CPM: variants seen among roughly 807,000 people sequenced by gnomAD.
CPM encodes the protein carboxypeptidase M, also known as renal carboxypeptidase.
Under a neutral mutation model 46.4 loss-of-function variants are expected in CPM, and 35 were observed. That is an observed-to-expected ratio of 0.75 (90% confidence interval 0.58 to 1.00). The LOEUF is 1.00. Among genes scored for constraint, CPM ranks in the 50% least tolerant of loss-of-function variants. The pLI is 0.00. For missense variants in CPM, 422 were observed against 530.4 expected (o/e 0.80, Z 2.01); for synonymous variants, 195 against 195.3 (o/e 1.00, Z 0.01).
intron 5 of CPM, chr12:68,842,480 A>G: frequency 2.5e-6 from 1 of 403,486 alleles, no homozygotes; most frequent in Non-Finnish European, 4.8e-6. Context: ...TTTTTTATAT[A>G]AGGTCACTCC....
At chr12:68,914,310 T>TA (rs1262971216) in intron 2 of CPM, among the ~76,000 whole-genome samples, 2 of 152,048 alleles carry the variant, frequency 1.3e-5, no homozygotes, top group South Asian at 4.2e-4. Flanking sequence ...TCTGTATACT[T>TA]AAAAAAACTT....
chr12:68,941,170 CGTGTGTGTGT>C (rs370705580), intron 1 of CPM, among the ~76,000 whole-genome samples: 4 of 140,506 alleles, frequency 2.8e-5, no homozygotes, highest in East Asian at 2.1e-4. Flanking sequence ...GTGCTGAGTA[CGTGTGTGTGT>C]GTGTGTGTGT....
rs1888553977 is a variant in CPM at position 68,932,578 on chromosome 12, G to A, written c.160+100C>T. ...GTTGACTTGTTCTGTGCCACTCAGA[G>A]TAGGTGCGTGGAAGAGCAGACAGGA... On this transcript the variant is annotated intron_variant, in intron 2 of 8. Coordinates refer to ENST00000551568, the MANE Select transcript of CPM (RefSeq NM_198320.5). The A allele has an allele frequency of 2.9e-6, 4 of 1,376,636 alleles. No homozygotes were observed. In the Admixed American group the frequency reaches 7.2e-5, roughly 25 times the overall value. 85.3% of individuals were successfully genotyped at this position (1,376,636 alleles called of 1,614,324 possible).
At chr12:68,911,952 T>A (rs940694477) in intron 2 of CPM, 1 of 152,188 alleles carries the variant, frequency 6.6e-6, no homozygotes, top group Admixed American at 6.6e-5. Context: ...ATTTGTCTAA[T>A]AGGCTTTCTG....
At chr12:68,931,007 G>A (rs939309019) in intron 2 of CPM, among the ~76,000 whole-genome samples, 1 of 151,992 alleles carries the variant, frequency 6.6e-6, no homozygotes, top group Admixed American at 6.6e-5. Context: ...CTAGCCCTAG[G>A]GAAAAATGAT....
At chr12:68,960,626 A>ACCTG (rs1380215190) in intron 1 of CPM, among the ~76,000 whole-genome samples, 6 of 152,234 alleles carry the variant, frequency 3.9e-5, no homozygotes, top group Non-Finnish European at 8.8e-5. Flanking sequence ...TGGACCAGCA[A>ACCTG]GATAATTCGC....
rs895265499 is a variant in CPM, at chr12:68,855,401, G to A, written c.*1036C>T. 1.3e-5 allele frequency: 2 copies of A among 152,262 alleles called. No individual in the cohort carries two copies. Among genetic ancestry groups the A allele is most frequent in the African/African-American group, 4.8e-5 (2 of 41,430 alleles). 9.4% of individuals were successfully genotyped at this position (152,262 alleles called of 1,614,324 possible). On this transcript the variant is annotated 3_prime_UTR_variant, in exon 9 of 9. Coordinates refer to ENST00000551568, the MANE Select transcript of CPM (RefSeq NM_198320.5). Reference sequence around the variant, plus strand: ...GGACGCGAGTCTGAAGCTCAGGCAAGAGGCTAGAGTTACATCTTTGGAGTC... The same window carrying A: ...GGACGCGAGTCTGAAGCTCAGGCAAAAGGCTAGAGTTACATCTTTGGAGTC...
At chr12:68,914,047 C>T (rs1441513984) in intron 2 of CPM, 1 of 690,442 alleles carries the variant, frequency 1.4e-6, no homozygotes, top group Non-Finnish European at 2.8e-6. Flanking sequence ...TTCCATTCCT[C>T]AGGTATAAAT....
intron 5 of CPM, chr12:68,842,534 A>ACAT (rs149333351): frequency 0.045 from 16,197 of 361,744 alleles, 2,412 homozygotes; most frequent in African/African-American, 0.32. Context: ...TGTCTACAAA[A>ACAT]CAGATAATAT....
At chr12:68,863,880 G>C (rs762893010) in intron 7 of CPM, among the ~76,000 whole-genome samples, 19 of 152,162 alleles carry the variant, frequency 1.2e-4, no homozygotes, top group Admixed American at 2.6e-4. Context: ...TTAAACCAGA[G>C]CAATACCAAT....
intron 3 of CPM, among the ~76,000 whole-genome samples, chr12:68,880,774 A>C (rs1300601001): frequency 6.6e-6 from 1 of 152,154 alleles, no homozygotes; most frequent in Non-Finnish European, 1.5e-5. Context: ...CCTAAAATGC[A>C]CTTATTGTCA....
At chr12:68,959,967 C>T (rs1889085035) in intron 1 of CPM, among the ~76,000 whole-genome samples, 1 of 152,156 alleles carries the variant, frequency 6.6e-6, no homozygotes, top group Non-Finnish European at 1.5e-5. Flanking sequence ...AATGTAAAAC[C>T]AAATGTTACC....
intron 1 of CPM, among the ~76,000 whole-genome samples, chr12:68,944,858 G>GTAC (rs1888820858): frequency 1.3e-5 from 2 of 151,990 alleles, no homozygotes; most frequent in Admixed American, 6.6e-5. Context: ...TAGGTAATGG[G>GTAC]TACTGCTGAT....
rs1247236136 is a variant in CPM at position 68,856,563 on chromosome 12, A to G, written c.1206T>C (p.Ser402=). ...GGCATGAAGGATTTGATACTGGGAT[A>G]GAATCCAATTGCCCTTGGAATGGAA... The part of the protein sequence containing the change: ...ILLPFQGQLD[S]IPVSNPSCPM... Residue 402 remains serine, a synonymous_variant, in exon 9 of 9, where the codon TCT becomes TCC. Coordinates refer to ENST00000551568, the MANE Select transcript of CPM (RefSeq NM_198320.5). 7 of 1,614,266 alleles carry G rather than the reference A, an allele frequency of 4.3e-6. No individual in the cohort carries two copies. The South Asian group carries it at 7.7e-5, about 18-fold the overall frequency.
chr12:68,929,673 A>C (rs1888423276), intron 2 of CPM, among the ~76,000 whole-genome samples: 1 of 152,240 alleles, frequency 6.6e-6, no homozygotes, highest in Non-Finnish European at 1.5e-5. Context: ...GAAGGTAATT[A>C]TCATGACATG....
intron 7 of CPM, among the ~76,000 whole-genome samples, chr12:68,865,152 T>C (rs1030819018): frequency 6.6e-6 from 1 of 152,142 alleles, no homozygotes; most frequent in African/African-American, 2.4e-5. Context: ...ATTACCAGAA[T>C]ACTAAGCAAG....
chr12:68,909,887 G>A (rs935748154), intron 2 of CPM, among the ~76,000 whole-genome samples: 30 of 151,708 alleles, frequency 2.0e-4, no homozygotes, highest in African/African-American at 2.7e-4. Context: ...CCTAATGTAG[G>A]TGACGGGTTG....
intron 1 of CPM, among the ~76,000 whole-genome samples, chr12:68,950,036 AGT>A (rs1888910017): frequency 1.3e-5 from 2 of 152,144 alleles, no homozygotes; most frequent in South Asian, 4.1e-4. Flanking sequence ...CAGAGGATGC[AGT>A]GTGCTTGGGC....
intron 2 of CPM, among the ~76,000 whole-genome samples, chr12:68,920,671 C>CT (rs11293503): frequency 1.4e-5 from 2 of 145,604 alleles, no homozygotes; most frequent in African/African-American, 5.2e-5. Flanking sequence ...TCTGCTTAAG[C>CT]TTTTTTTTTC....
Sources: allele counts gnomAD v4.1 joint callset (sites outside exome capture counted in the v4.1 genomes callset), GRCh38; gene constraint gnomAD v4.1.1; transcripts MANE v1.5; gene names NCBI Gene and HGNC (gene_info 2026-07-23, HGNC 2026-07-21).